The following AKAP9 variants were observed in gnomAD, a reference collection of about 807,000 sequenced individuals.
The protein encoded by AKAP9 is A-kinase anchoring protein 9.
Under a neutral mutation model 488.5 loss-of-function variants are expected in AKAP9, and 311 were observed. The observed-to-expected ratio is 0.64, with a 90% CI of 0.58 to 0.70. The LOEUF (loss-of-function observed/expected upper bound fraction) is 0.70, where lower values mean the gene tolerates loss of function less well. Among genes scored for constraint, AKAP9 ranks in the 30% least tolerant of loss-of-function variants. The pLI is 0.00. For missense variants in AKAP9, 4,215 were observed against 4,374.5 expected, an observed-to-expected ratio of 0.96 and a Z score of 1.03; for synonymous variants, 1,462 against 1,483.5, an observed-to-expected ratio of 0.99 and a Z score of 0.33.
chr7:92,062,162 T>G, intron 23 of AKAP9, 112 bp from the exon 24 acceptor site: 1 of 930,268 alleles, frequency 1.1e-6, no homozygotes. Flanking sequence ...TTTAATAGGT[T>G]GGAATGATGG....
At chr7:91,962,901 A>T (rs1793895396) in intron 1 of AKAP9, among the ~76,000 whole-genome samples, 1 of 152,162 alleles carries the variant, frequency 6.6e-6, no homozygotes, top group Non-Finnish European at 1.5e-5. Context: ...AATAAATATT[A>T]AATATAAATT....
At chr7:92,070,822 AAAAGCAGACC>A in intron 27 of AKAP9, 73 bp from the exon 28 acceptor site, 1 of 918,846 alleles carries the variant, frequency 1.1e-6, no homozygotes, top group Non-Finnish European at 1.7e-6. Flanking sequence ...AAAAAAAAAA[AAAAGCAGACC>A]AAAAAACAAA....
In AKAP9 at chr7:92,052,108, T is replaced by C. The variant is rs1249446132; in HGVS notation, c.5369-618T>C. On this transcript the variant is annotated intron_variant, in intron 21 of 49. Coordinates refer to ENST00000356239, the MANE Select transcript of AKAP9 (RefSeq NM_005751.5). Reference sequence around the variant, plus strand: ...CTTAAAACAGTAGCAAGCAACAAAATGATCTCAGTTCCTTTTACTGTGTAG... The same window carrying C: ...CTTAAAACAGTAGCAAGCAACAAAACGATCTCAGTTCCTTTTACTGTGTAG... 5.3e-5 allele frequency among the ~76,000 whole-genome samples: 8 copies of C among 152,154 alleles called. No homozygotes were observed. The East Asian group carries it at 1.5e-3, about 29-fold the overall frequency.
chr7:92,059,084 A>T (rs1453070145), intron 22 of AKAP9, among the ~76,000 whole-genome samples: 4 of 151,986 alleles, frequency 2.6e-5, no homozygotes, highest in Non-Finnish European at 4.4e-5. Flanking sequence ...TCATAGCTTT[A>T]TCCTGTACTA....
At chr7:91,941,760 A>G (rs10227225) in intron 1 of AKAP9, among the ~76,000 whole-genome samples, 65,398 of 152,022 alleles carry the variant, frequency 0.43, 15,350 homozygotes, top group Admixed American at 0.52. Context: ...TTTGTGTCCT[A>G]TGGAATGTTA....
intron 1 of AKAP9, among the ~76,000 whole-genome samples, chr7:91,956,460 C>A (rs1793026941): frequency 6.8e-6 from 1 of 147,964 alleles, no homozygotes; most frequent in African/African-American, 2.5e-5. Flanking sequence ...GCCAGACAAA[C>A]AATCTAACAT....
At position 92,040,664 on chromosome 7, in the gene AKAP9, A is replaced by G; in HGVS notation, c.4693-10A>G. The G allele has an allele frequency of 1.9e-6, 2 of 1,052,530 alleles. No homozygotes were observed. The highest frequency in any genetic ancestry group is 2.5e-6 in the Non-Finnish European group (2 of 793,142). The allele number at this position is 1,052,530 out of a possible 1,614,324, so 65.2% of individuals were successfully genotyped here. On this transcript the variant is annotated splice_polypyrimidine_tract_variant and intron_variant, in intron 17 of 49. Coordinates refer to ENST00000356239, the MANE Select transcript of AKAP9 (RefSeq NM_005751.5). Reference sequence around the variant, plus strand: ...TTGAATTGTTTTTTTTTTTTTTTTTACTATTAAAGATTCATGATGAGATTT... The same window carrying G: ...TTGAATTGTTTTTTTTTTTTTTTTTGCTATTAAAGATTCATGATGAGATTT...
At chr7:92,064,668 T>C (rs1810478871) in intron 24 of AKAP9, among the ~76,000 whole-genome samples, 1 of 152,202 alleles carries the variant, frequency 6.6e-6, no homozygotes, top group African/African-American at 2.4e-5. Flanking sequence ...CATGTGACCA[T>C]GCAAAAGCAA....
intron 26 of AKAP9, among the ~76,000 whole-genome samples, 194 bp from the exon 27 acceptor site, chr7:92,069,827 ATGACGATCG>A (rs1014698629): frequency 3.9e-5 from 6 of 152,116 alleles, no homozygotes; most frequent in Non-Finnish European, 5.9e-5. Context: ...GCTGTAGTGC[ATGACGATCG>A]TGCCTGTAAA....
At chr7:92,074,493 C>A (rs1457335944) in intron 28 of AKAP9, among the ~76,000 whole-genome samples, 1 of 152,106 alleles carries the variant, frequency 6.6e-6, no homozygotes, top group Non-Finnish European at 1.5e-5. Flanking sequence ...ACCTTTTGAC[C>A]CAGCAATCCC....
intron 3 of AKAP9, among the ~76,000 whole-genome samples, chr7:91,985,553 A>G (rs960661393): frequency 6.6e-6 from 1 of 152,174 alleles, no homozygotes; most frequent in African/African-American, 2.4e-5. Context: ...CATGTTAATC[A>G]GGGATATTGG....
intron 45 of AKAP9, among the ~76,000 whole-genome samples, chr7:92,102,170 A>AATAAAT (rs1563150552): frequency 0.15 from 19,640 of 134,408 alleles, 1,626 homozygotes; most frequent in South Asian, 0.2. Context: ...ATTTAAAAAA[A>AATAAAT]AAATAAATAA....
rs1426532950 is a variant in AKAP9, at chr7:92,002,601, C to A, written c.2684C>A (p.Ala895Glu). The A allele has an allele frequency of 3.1e-6, 5 of 1,610,664 alleles. No homozygotes were observed. The African/African-American group carries it at 5.4e-5, about 17-fold the overall frequency. Residue 895 changes from alanine to glutamate, a missense_variant, in exon 8 of 50, where the codon GCA (alanine) becomes GAA (glutamate). Physicochemically the swap from Ala to Glu is moderately radical, Grantham distance 107. This residue lies in a region of AKAP9 where 2,361 missense variants were observed against 2,430.0 expected (regional missense o/e 0.97). Transcript: ENST00000356239. ...TTAGAGTATAAAAGTAAACTTAAAG[C>A]ACTTAATGAAGAGCTTCATTTGCAA... ...QELEYKSKLKALNEELHLQRI... is the reference protein window; with the variant it reads ...QELEYKSKLKELNEELHLQRI...
intron 21 of AKAP9, among the ~76,000 whole-genome samples, chr7:92,045,738 T>A (rs766063653): frequency 1.1e-4 from 17 of 152,156 alleles, no homozygotes; most frequent in Non-Finnish European, 2.5e-4. Context: ...ACACAATGTG[T>A]ATGGATCCAG....
In AKAP9 at chr7:92,031,811, C is replaced by T. The variant is rs142802838; in HGVS notation, c.4338+207C>T. On this transcript the variant is annotated intron_variant, in intron 16 of 49. Coordinates refer to ENST00000356239, the MANE Select transcript of AKAP9 (RefSeq NM_005751.5). ...AGAAGAGCATTGTTCTTGATGTAGA[C>T]TAGTAATTAGAAGCTTTTCAGAATG... 3.6e-3 allele frequency among the ~76,000 whole-genome samples: 549 copies of T among 152,256 alleles called. 4 individuals carry two copies. Among genetic ancestry groups the T allele is most frequent in the African/African-American group, 0.012 (511 of 41,542 alleles).
intron 3 of AKAP9, among the ~76,000 whole-genome samples, chr7:91,986,361 C>T (rs969193673): frequency 1.1e-4 from 16 of 152,162 alleles, no homozygotes; most frequent in African/African-American, 3.6e-4. Flanking sequence ...CTGGGTGAGG[C>T]GATGCCCTGC....
rs1394165457 is a variant in AKAP9, at chr7:92,040,859, A to G, written c.4878A>G (p.Leu1626=). ...GACAGCGAGAAGACCAGGAACAGCTACAAGAAGAGATTAAGAGACTTAATA... is the reference window on the plus strand; with the variant it reads ...GACAGCGAGAAGACCAGGAACAGCTGCAAGAAGAGATTAAGAGACTTAATA... ...MERQREDQEQ[L]QEEIKRLNRQ... The change falls in exon 18 of 50, where the codon CTA becomes CTG. Residue 1626 remains leucine, a synonymous_variant. Coordinates refer to ENST00000356239, the MANE Select transcript of AKAP9 (RefSeq NM_005751.5). 1.2e-6 allele frequency: 2 copies of G among 1,614,000 alleles called. No individual in the cohort carries two copies. The highest frequency in any genetic ancestry group is 1.1e-5 in the South Asian group (1 of 91,058).
At position 91,989,964 on chromosome 7, in the gene AKAP9, TTC is replaced by T. The variant is rs1690404316; in HGVS notation, c.352-2192_352-2191del. Among the ~76,000 whole-genome samples the T allele has an allele frequency of 3.3e-5, 5 of 152,078 alleles. No homozygotes were observed. The South Asian group carries it at 1.0e-3, about 32-fold the overall frequency. On this transcript the variant is annotated intron_variant, in intron 3 of 49. Transcript: ENST00000356239. ...TGAAAGTTACCTTTCCTCTGATTCTTTCTGAATAGCAATGTTGTTATGATGTG... is the reference window on the plus strand; with the variant it reads ...TGAAAGTTACCTTTCCTCTGATTCTTTGAATAGCAATGTTGTTATGATGTG...
At chr7:91,970,839 G>A (rs570009949) in intron 1 of AKAP9, among the ~76,000 whole-genome samples, 2 of 152,022 alleles carry the variant, frequency 1.3e-5, no homozygotes, top group African/African-American at 2.4e-5. Flanking sequence ...TCTTTTTTGG[G>A]TCAAATCTGC....
Sources: allele counts gnomAD v4.1 joint callset (sites outside exome capture counted in the v4.1 genomes callset), GRCh38; gene constraint gnomAD v4.1.1; regional missense constraint gnomAD v4.1.1; transcripts MANE v1.5; gene names NCBI Gene and HGNC (gene_info 2026-07-23, HGNC 2026-07-21).